SNTB1: variants seen among roughly 807,000 people sequenced by gnomAD.
The protein encoded by SNTB1 is syntrophin beta 1.
SNTB1 carries 36 observed loss-of-function variants against 48.9 expected under a neutral mutation model. The ratio of observed to expected loss-of-function variants is 0.74; its 90% CI spans 0.56 to 0.97. SNTB1 has a LOEUF of 0.97. Among genes scored for constraint, SNTB1 ranks in the 50% least tolerant of loss-of-function variants. SNTB1 has a pLI of 0.00. For missense variants in SNTB1, 786 were observed against 703.4 expected (o/e 1.12, Z -1.33); for synonymous variants, 299 against 294.6 (o/e 1.01, Z -0.15).
At chr8:120,679,689 G>C (rs1435637895) in intron 2 of SNTB1, among the ~76,000 whole-genome samples, 1 of 152,140 alleles carries the variant, frequency 6.6e-6, no homozygotes, top group East Asian at 1.9e-4. Context: ...TTCTGCAACA[G>C]CATCCTAGCT....
intron 3 of SNTB1, among the ~76,000 whole-genome samples, chr8:120,619,641 T>C (rs375069957): frequency 1.3e-5 from 2 of 152,340 alleles, no homozygotes; most frequent in Admixed American, 6.5e-5. Flanking sequence ...TTTATTAAGT[T>C]CAGTTTTTAC....
intron 1 of SNTB1, among the ~76,000 whole-genome samples, chr8:120,796,996 T>A (rs971817949): frequency 6.6e-6 from 1 of 152,108 alleles, no homozygotes; most frequent in African/African-American, 2.4e-5. Flanking sequence ...ATACAGTAGC[T>A]GAGAATGGAA....
At chr8:120,680,231 G>A (rs73708614) in intron 2 of SNTB1, among the ~76,000 whole-genome samples, 5,666 of 152,230 alleles carry the variant, frequency 0.037, 322 homozygotes, top group African/African-American at 0.12. Flanking sequence ...GATATTGTTT[G>A]CTTAATTACC....
chr8:120,548,800 C>T lies in SNTB1; in HGVS notation c.1295G>A (p.Cys432Tyr), dbSNP rs1363591611. The T allele has an allele frequency of 1.9e-6, 3 of 1,614,124 alleles. No homozygotes were observed. The highest frequency in any genetic ancestry group is 2.5e-6 in the Non-Finnish European group (3 of 1,180,000). The part of the protein sequence containing the change: ...SHWTRSIVQG[C>Y]HNSAELIAEI... ...AGCAATGAGTTCAGCAGAATTGTGG[C>T]AACCCTGTACTATGCTCCTTGTCCA... Residue 432 changes from cysteine (C) to tyrosine (Y), a missense_variant, in exon 5 of 7, where the codon TGC (cysteine) becomes TAC (tyrosine). Coordinates refer to ENST00000517992, the MANE Select transcript of SNTB1 (RefSeq NM_021021.4).
At chr8:120,655,375 A>G (rs909517040) in intron 2 of SNTB1, among the ~76,000 whole-genome samples, 2 of 152,226 alleles carry the variant, frequency 1.3e-5, no homozygotes, top group African/African-American at 4.8e-5. Flanking sequence ...TGTAATAAGG[A>G]TAAGTACTTG....
intron 1 of SNTB1, among the ~76,000 whole-genome samples, chr8:120,714,416 G>A (rs1818521624): frequency 6.6e-6 from 1 of 152,020 alleles, no homozygotes; most frequent in Admixed American, 6.6e-5. Context: ...TTCACAGAAG[G>A]TGATTTGGCC....
At chr8:120,553,035 G>A (rs1401087301) in intron 4 of SNTB1, among the ~76,000 whole-genome samples, 1 of 152,150 alleles carries the variant, frequency 6.6e-6, no homozygotes, top group Non-Finnish European at 1.5e-5. Flanking sequence ...GAGCAATGGG[G>A]AGCGCTGTAA....
At chr8:120,756,343 A>G (rs549713220) in intron 1 of SNTB1, among the ~76,000 whole-genome samples, 1 of 152,226 alleles carries the variant, frequency 6.6e-6, no homozygotes, top group South Asian at 2.1e-4. Flanking sequence ...CAATGGATGG[A>G]TGGACAGGTG....
chr8:120,700,389 A>C (rs933972320), intron 1 of SNTB1, among the ~76,000 whole-genome samples: 1 of 152,232 alleles, frequency 6.6e-6, no homozygotes, highest in African/African-American at 2.4e-5. Flanking sequence ...TAGTGTCTGC[A>C]TAATTATACT....
chr8:120,799,520 AT>A (rs758990002), intron 1 of SNTB1, among the ~76,000 whole-genome samples: 12 of 152,022 alleles, frequency 7.9e-5, no homozygotes, highest in Admixed American at 1.3e-4. Context: ...ACTTAGAGAT[AT>A]GATAGATGGA....
intron 2 of SNTB1, among the ~76,000 whole-genome samples, chr8:120,642,417 T>C (rs141687132): frequency 1.4e-4 from 22 of 152,318 alleles, no homozygotes; most frequent in African/African-American, 4.1e-4. Context: ...TCTCCAGAGA[T>C]TGAAGCCTGG....
intron 3 of SNTB1, among the ~76,000 whole-genome samples, chr8:120,592,670 G>T (rs111254083): frequency 4.6e-5 from 7 of 152,202 alleles, no homozygotes; most frequent in African/African-American, 1.7e-4. Flanking sequence ...GAGCTTTTAG[G>T]CTGGCAGAGA....
rs1389976586 is a variant in SNTB1 at position 120,742,292 on chromosome 8, T to G, written c.572-48384A>C. Among the ~76,000 whole-genome samples, 4 of 152,198 alleles carry G rather than the reference T, an allele frequency of 2.6e-5. No individual in the cohort carries two copies. The East Asian group carries it at 7.7e-4, about 29-fold the overall frequency. On this transcript the variant is annotated intron_variant, in intron 1 of 6. Coordinates refer to ENST00000517992, the MANE Select transcript of SNTB1 (RefSeq NM_021021.4). ...AAGATTTTCTTGATTCTCTTGGATG[T>G]TGTGTTCCATTGATTCTAAAAGCAA...
At chr8:120,684,971 T>C (rs1818003066) in intron 2 of SNTB1, among the ~76,000 whole-genome samples, 1 of 152,188 alleles carries the variant, frequency 6.6e-6, no homozygotes, top group Non-Finnish European at 1.5e-5. Flanking sequence ...TGAATCTTAA[T>C]TCTCCAGAAT....
At chr8:120,644,295 G>A (rs1275155871) in intron 2 of SNTB1, among the ~76,000 whole-genome samples, 4 of 146,356 alleles carry the variant, frequency 2.7e-5, no homozygotes, top group African/African-American at 7.6e-5. Context: ...TATATCTCCC[G>A]AAGCTATCCC....
intron 3 of SNTB1, among the ~76,000 whole-genome samples, chr8:120,599,784 G>A (rs888322533): frequency 2.0e-5 from 3 of 152,176 alleles, no homozygotes; most frequent in African/African-American, 7.2e-5. Flanking sequence ...TAAATATTAA[G>A]TGCTTTTCTC....
intron 2 of SNTB1, among the ~76,000 whole-genome samples, chr8:120,642,311 AG>A (rs1279827470): frequency 1.3e-5 from 2 of 152,216 alleles, no homozygotes; most frequent in African/African-American, 2.4e-5. Context: ...CTCAACCAAA[AG>A]TATTCTTCAG....
At chr8:120,733,766 G>A (rs1350189204) in intron 1 of SNTB1, among the ~76,000 whole-genome samples, 1 of 152,166 alleles carries the variant, frequency 6.6e-6, no homozygotes, top group South Asian at 2.1e-4. Context: ...GCAATAGTAA[G>A]GAAACTCTAT....
intron 1 of SNTB1, among the ~76,000 whole-genome samples, chr8:120,778,475 A>T (rs751772471): frequency 6.6e-6 from 1 of 152,232 alleles, no homozygotes; most frequent in Non-Finnish European, 1.5e-5. Context: ...GCATTTCTGC[A>T]AACTTTTCAT....
Sources: allele counts gnomAD v4.1 joint callset (sites outside exome capture counted in the v4.1 genomes callset), GRCh38; gene constraint gnomAD v4.1.1; transcripts MANE v1.5; gene names NCBI Gene and HGNC (gene_info 2026-07-23, HGNC 2026-07-21).